The following ZFHX3 variants were observed in gnomAD, a reference collection of about 807,000 sequenced individuals.
The protein encoded by ZFHX3 is zinc finger homeobox protein 3.
A neutral mutation model predicts 279.1 loss-of-function variants in ZFHX3; 42 were observed. The ratio of observed to expected loss-of-function variants is 0.15; its 90% CI spans 0.12 to 0.19. ZFHX3 has a LOEUF of 0.19. Among genes scored for constraint, ZFHX3 ranks in the 10% least tolerant of loss-of-function variants. The pLI, the probability that ZFHX3 is intolerant of heterozygous loss-of-function variation, is 1.00. For synonymous variants in ZFHX3, 2,293 were observed against 1,957.8 expected (o/e 1.17, Z -4.52); for missense variants, 4,981 against 4,754.0 (o/e 1.05, Z -1.40).
intron 3 of ZFHX3, among the ~76,000 whole-genome samples, chr16:73,407,210 C>T (rs953722264): frequency 6.6e-6 from 1 of 152,194 alleles, no homozygotes; most frequent in African/African-American, 2.4e-5. Flanking sequence ...GATCCAGCCT[C>T]AAATGCCAGT....
intron 2 of ZFHX3, among the ~76,000 whole-genome samples, chr16:73,619,283 T>A (rs1597031211): frequency 1.3e-5 from 2 of 151,656 alleles, no homozygotes; most frequent in East Asian, 3.9e-4. Context: ...GGTCAGGAGA[T>A]CGAGACCATC....
At chr16:72,876,465 C>A (rs2038316296) in intron 4 of ZFHX3, among the ~76,000 whole-genome samples, 1 of 152,146 alleles carries the variant, frequency 6.6e-6, no homozygotes, top group Non-Finnish European at 1.5e-5. Flanking sequence ...GCCCACCATC[C>A]CCAGCCATCC....
chr16:73,816,820 G>A (rs768323964), intron 1 of ZFHX3, among the ~76,000 whole-genome samples: 15 of 152,228 alleles, frequency 9.9e-5, no homozygotes, highest in Non-Finnish European at 2.2e-4. Flanking sequence ...AAGCCAGAGA[G>A]TTGTGGGCAT....
chr16:73,048,223 G>C (rs981745971), upstream of ZFHX3: 8 of 152,150 alleles, frequency 5.3e-5, no homozygotes, highest in African/African-American at 1.4e-4. Context: ...CAGCAACAAA[G>C]CGGAAGGTTA....
At chr16:72,824,488 G>A (rs1033898238) in intron 5 of ZFHX3, among the ~76,000 whole-genome samples, 6 of 152,102 alleles carry the variant, frequency 3.9e-5, no homozygotes, top group East Asian at 1.9e-4. Flanking sequence ...AAATATGAAC[G>A]TCAGGGATTT....
intron 1 of ZFHX3, among the ~76,000 whole-genome samples, chr16:73,025,300 A>G (rs1302694668): frequency 2.6e-5 from 4 of 152,102 alleles, no homozygotes; most frequent in Admixed American, 6.5e-5. Flanking sequence ...GGACTCACAC[A>G]TGGGCAGACA....
chr16:73,719,552 G>A (rs2053452926), intron 1 of ZFHX3, among the ~76,000 whole-genome samples: 1 of 152,148 alleles, frequency 6.6e-6, no homozygotes, highest in African/African-American at 2.4e-5. Flanking sequence ...ATTACACCAA[G>A]AATGATGGAA....
At chr16:73,329,566 C>T (rs1044565801) in intron 3 of ZFHX3, among the ~76,000 whole-genome samples, 2 of 152,218 alleles carry the variant, frequency 1.3e-5, no homozygotes, top group African/African-American at 4.8e-5. Context: ...TTCATCAGCC[C>T]ATGATACTGC....
chr16:73,044,596 GTGAGTGTT>G (rs1242321102), intron 1 of ZFHX3, among the ~76,000 whole-genome samples: 2 of 93,132 alleles, frequency 2.1e-5, no homozygotes, highest in Non-Finnish European at 4.2e-5. Flanking sequence ...CTCTTAAAAG[GTGAGTGTT>G]TGTTTGTTTG....
intron 8 of ZFHX3, among the ~76,000 whole-genome samples, chr16:73,089,382 C>T (rs980976394): frequency 1.6e-4 from 25 of 152,168 alleles, no homozygotes; most frequent in African/African-American, 5.1e-4. Context: ...GGATTACAGG[C>T]GTGAGCCGCT....
rs1362800395 is a variant in ZFHX3 at position 72,945,568 on chromosome 16, C to A, written c.3216+4901G>T. Among the ~76,000 whole-genome samples the A allele has an allele frequency of 2.6e-5, 4 of 152,290 alleles. No individual in the cohort carries two copies. The East Asian group carries it at 5.8e-4, about 22-fold the overall frequency. On this transcript the variant is annotated intron_variant, in intron 3 of 9. Transcript: ENST00000268489. Reference sequence around the variant, plus strand: ...TCACCAAAACATCTGGCCTTGCACACCTTCTAAATCACCTGCAGGAAAACA... The same window carrying A: ...TCACCAAAACATCTGGCCTTGCACAACTTCTAAATCACCTGCAGGAAAACA...
At chr16:73,451,025 C>A (rs1240634237) in intron 3 of ZFHX3, among the ~76,000 whole-genome samples, 1 of 152,134 alleles carries the variant, frequency 6.6e-6, no homozygotes. Context: ...AGAAGCAAGA[C>A]ACTGGTAGGC....
intron 5 of ZFHX3, among the ~76,000 whole-genome samples, chr16:73,234,336 G>T (rs1459810216): frequency 2.6e-5 from 4 of 152,166 alleles, no homozygotes; most frequent in African/African-American, 7.2e-5. Context: ...ATCAGTAAAT[G>T]GCTGTCTCCT....
chr16:72,957,703 C>T lies in ZFHX3; in HGVS notation c.2443G>A (p.Val815Met), dbSNP rs926058661. ...ATGTGAATGCGGAGGTTCCTGGCCA[C>T]GTTGGTCTCATAATCACACACCTCG... ...RCEVCDYETN[V>M]ARNLRIHMTS... The change falls in exon 2 of 10, where the codon GTG (valine) becomes ATG (methionine). Residue 815 changes from valine (V) to methionine (M), a missense_variant. Transcript: ENST00000268489. 5 of 1,614,010 alleles carry T rather than the reference C, an allele frequency of 3.1e-6. No individual in the cohort carries two copies. Among genetic ancestry groups the T allele is most frequent in the African/African-American group, 1.3e-5 (1 of 74,890 alleles).
chr16:72,946,620 G>C (rs1172528419), intron 3 of ZFHX3, among the ~76,000 whole-genome samples: 5 of 152,184 alleles, frequency 3.3e-5, no homozygotes, highest in Admixed American at 6.5e-5. Flanking sequence ...AGCTCACCAT[G>C]GACGTCACTT....
At chr16:73,404,471 T>C (rs76827359) in intron 3 of ZFHX3, among the ~76,000 whole-genome samples, 7,500 of 152,286 alleles carry the variant, frequency 0.049, 259 homozygotes, top group Non-Finnish European at 0.075. Flanking sequence ...GTTCGTGCAG[T>C]GTTATTAGGA....
chr16:73,408,637 G>C (rs551204609), intron 3 of ZFHX3, among the ~76,000 whole-genome samples: 4 of 152,156 alleles, frequency 2.6e-5, no homozygotes, highest in Admixed American at 2.6e-4. Flanking sequence ...TTGGAAATCC[G>C]TTCCCAGCTA....
In ZFHX3 at chr16:72,788,490, T is replaced by G. The variant is rs377573395; in HGVS notation, c.9786A>C (p.Gly3262=). Residue 3262 remains glycine (G), a synonymous_variant, in exon 10 of 10, where the codon GGA becomes GGC. Coordinates refer to ENST00000268489, the MANE Select transcript of ZFHX3 (RefSeq NM_006885.4). ...EPLPVPKKEK[G]EAPTATAATI... ...TGGCTGCAGTTGCCGTGGGGGCCTCTCCTTTCTCCTTCTTGGGGACAGGCA... is the reference window on the plus strand; with the variant it reads ...TGGCTGCAGTTGCCGTGGGGGCCTCGCCTTTCTCCTTCTTGGGGACAGGCA... 1.2e-6 allele frequency: 2 copies of G among 1,614,192 alleles called. No individual in the cohort carries two copies. The highest frequency in any genetic ancestry group is 1.3e-5 in the African/African-American group (1 of 75,052).
At chr16:73,804,042 A>AGCAACTC (rs1960207466) in intron 1 of ZFHX3, among the ~76,000 whole-genome samples, 1 of 152,186 alleles carries the variant, frequency 6.6e-6, no homozygotes, top group Admixed American at 6.5e-5. Flanking sequence ...CTGTAGCCCT[A>AGCAACTC]GCAACTCGGG....
Sources: gnomAD v4.1 joint callset for allele counts (sites outside exome capture counted in the v4.1 genomes callset) on GRCh38, gnomAD v4.1.1 for gene constraint, MANE v1.5 for transcripts, NCBI Gene and HGNC (gene_info 2026-07-23, HGNC 2026-07-21) for gene names.